The following SPATA16 variants were observed in gnomAD, a reference collection of about 807,000 sequenced individuals.
The protein encoded by SPATA16 is spermatogenesis associated 16.
SPATA16 carries 36 observed loss-of-function variants against 63.3 expected under a neutral mutation model. That is an observed-to-expected ratio of 0.57 (90% CI 0.44 to 0.75). The LOEUF (loss-of-function observed/expected upper bound fraction) is 0.75. Among genes scored for constraint, SPATA16 ranks in the 30% least tolerant of loss-of-function variants. The pLI is 0.00. For synonymous variants in SPATA16, 203 were observed against 216.7 expected, an observed-to-expected ratio of 0.94 and a Z score of 0.56; for missense variants, 646 against 679.3, an observed-to-expected ratio of 0.95 and a Z score of 0.54.
chr3:172,949,548 T>C (rs1733378915), intron 6 of SPATA16, among the ~76,000 whole-genome samples: 1 of 152,228 alleles, frequency 6.6e-6, no homozygotes, highest in Non-Finnish European at 1.5e-5. Flanking sequence ...CTGCATGATT[T>C]ATTAGATGGC....
chr3:172,999,001 T>A (rs985203862), intron 4 of SPATA16, among the ~76,000 whole-genome samples: 4 of 152,176 alleles, frequency 2.6e-5, no homozygotes, highest in African/African-American at 9.6e-5. Flanking sequence ...CAATTTTTTT[T>A]TTCTTGTAAT....
At chr3:172,904,529 A>T (rs957334075) in intron 10 of SPATA16, among the ~76,000 whole-genome samples, 1 of 152,182 alleles carries the variant, frequency 6.6e-6, no homozygotes, top group African/African-American at 2.4e-5. Flanking sequence ...CCAAATCATC[A>T]AAGTTTTAGA....
intron 4 of SPATA16, among the ~76,000 whole-genome samples, chr3:172,998,827 G>A (rs1223407345): frequency 1.3e-5 from 2 of 152,092 alleles, no homozygotes; most frequent in Admixed American, 1.3e-4. Flanking sequence ...TCTTTAGCCT[G>A]TTGATATGAT....
chr3:173,118,596 T>C (rs557578142), intron 1 of SPATA16, among the ~76,000 whole-genome samples: 1 of 152,340 alleles, frequency 6.6e-6, no homozygotes, highest in South Asian at 2.1e-4. Flanking sequence ...TAGGACTCTT[T>C]CTTTTCACCT....
chr3:173,003,002 T>C (rs1002786332), intron 4 of SPATA16, among the ~76,000 whole-genome samples: 7 of 152,218 alleles, frequency 4.6e-5, no homozygotes, highest in Admixed American at 1.3e-4. Flanking sequence ...TTGAAGAAGA[T>C]TTTTTTAAAC....
At chr3:173,117,062 T>TA (rs1737916908) in intron 2 of SPATA16, 58 bp downstream of exon 2, 1 of 1,539,982 alleles carries the variant, frequency 6.5e-7, no homozygotes, top group Non-Finnish European at 9.0e-7. Flanking sequence ...TCAATGTAAT[T>TA]GCAACTTTCC....
intron 2 of SPATA16, among the ~76,000 whole-genome samples, chr3:173,074,468 G>C (rs898518560): frequency 2.6e-5 from 4 of 152,138 alleles, no homozygotes; most frequent in African/African-American, 9.7e-5. Flanking sequence ...AGTCTCATGA[G>C]ATCTGATGGT....
intron 8 of SPATA16, among the ~76,000 whole-genome samples, chr3:172,923,086 T>C (rs1204369569): frequency 1.3e-5 from 2 of 152,302 alleles, no homozygotes; most frequent in East Asian, 1.9e-4. Context: ...TACACGGTGA[T>C]GGTTCTGGTT....
chr3:172,949,593 G>A (rs1322461076), intron 6 of SPATA16, among the ~76,000 whole-genome samples: 1 of 152,078 alleles, frequency 6.6e-6, no homozygotes, highest in African/African-American at 2.4e-5. Context: ...TTGACAGAGA[G>A]GCTACATTAT....
chr3:172,960,998 TTC>T lies in SPATA16; in HGVS notation c.934-4176_934-4175del, dbSNP rs564132409. On this transcript the variant is annotated intron_variant, in intron 5 of 10. Coordinates refer to ENST00000351008, the MANE Select transcript of SPATA16 (RefSeq NM_031955.6). ...TTTTCTCTTTCTCTTTCTTTTTTCT[TTC>T]TCTTTCTTTCTTTCTTTTTCTCTCT... 3.9e-4 allele frequency among the ~76,000 whole-genome samples: 58 copies of T among 148,888 alleles called. No individual in the cohort carries two copies. The South Asian group carries it at 0.011, about 29-fold the overall frequency.
chr3:172,890,769 C>A, intron 10 of SPATA16, among the ~76,000 whole-genome samples: 1 of 148,610 alleles, frequency 6.7e-6, no homozygotes, highest in African/African-American at 2.5e-5. Context: ...TTTAAGAAAA[C>A]AAGATAAATT....
At chr3:172,896,782 T>G (rs1057150282) in intron 10 of SPATA16, among the ~76,000 whole-genome samples, 1 of 152,152 alleles carries the variant, frequency 6.6e-6, no homozygotes, top group African/African-American at 2.4e-5. Flanking sequence ...ATTTTCAAAT[T>G]GGATCGGCTT....
At chr3:172,973,496 G>A (rs993083737) in intron 5 of SPATA16, among the ~76,000 whole-genome samples, 1 of 152,092 alleles carries the variant, frequency 6.6e-6, no homozygotes, top group Non-Finnish European at 1.5e-5. Flanking sequence ...GCTGAGCACC[G>A]CAGACCAGGG....
At chr3:173,122,741 T>C (rs1577186608) in intron 1 of SPATA16, among the ~76,000 whole-genome samples, 2 of 152,132 alleles carry the variant, frequency 1.3e-5, no homozygotes, top group South Asian at 4.2e-4. Flanking sequence ...GTCTTGGCAT[T>C]GTAGTGCTCA....
chr3:173,087,998 TTTTCTTTCCGTC>T lies in SPATA16; in HGVS notation c.612+29110_612+29121del, dbSNP rs1448385405. ...ACCTTGGAGAATCTGATGATTAGCA[TTTTCTTTCCGTC>T]TTTCTTTCTTTCTTTCTTTCTTTCT... On this transcript the variant is annotated intron_variant, in intron 2 of 10. Transcript: ENST00000351008. Among the ~76,000 whole-genome samples, 455 of 146,362 alleles carry T rather than the reference TTTTCTTTCCGTC, an allele frequency of 3.1e-3. 19 individuals are homozygous for T. The highest frequency in any genetic ancestry group is 0.011 in the African/African-American group (433 of 38,378).
chr3:172,897,790 A>G (rs1051734630), intron 10 of SPATA16, among the ~76,000 whole-genome samples: 16 of 152,118 alleles, frequency 1.1e-4, no homozygotes, highest in African/African-American at 3.4e-4. Flanking sequence ...TTCCAGCACT[A>G]TGTTGAATAA....
chr3:173,112,508 C>T (rs934736383), intron 2 of SPATA16, among the ~76,000 whole-genome samples: 5 of 152,132 alleles, frequency 3.3e-5, no homozygotes, highest in Non-Finnish European at 5.9e-5. Flanking sequence ...AGCTTTTGAC[C>T]CTTGAGCAAG....
rs544088248 is a variant in SPATA16 at position 172,956,763 on chromosome 3, G to T, written c.995C>A (p.Ala332Glu). 1 of 1,612,634 alleles carries T rather than the reference G, an allele frequency of 6.2e-7. No homozygotes were observed. The highest frequency in any genetic ancestry group is 1.3e-5 in the African/African-American group (1 of 74,690). Residue 332 changes from alanine (A) to glutamate (E), a missense_variant, in exon 6 of 11, where the codon GCG (alanine) becomes GAG (glutamate). Physicochemically the swap from Ala to Glu is moderately radical, Grantham distance 107. Coordinates refer to ENST00000351008, the MANE Select transcript of SPATA16 (RefSeq NM_031955.6). ...ESFSVMYTPF[A>E]TKIRADKIEK... is the part of the protein sequence containing the mutation. ...TATTTTATCAGCTCTTATTTTTGTC[G>T]CAAATGGTGTGTACATAACCGAGAA...
chr3:173,103,156 G>A (rs1434143045), intron 2 of SPATA16, among the ~76,000 whole-genome samples: 1 of 152,198 alleles, frequency 6.6e-6, no homozygotes, highest in African/African-American at 2.4e-5. Flanking sequence ...GCAGGGTTAG[G>A]CCCCTGTGGC....
Sources: allele counts gnomAD v4.1 joint callset (sites outside exome capture counted in the v4.1 genomes callset), GRCh38; gene constraint gnomAD v4.1.1; transcripts MANE v1.5; gene names NCBI Gene and HGNC (gene_info 2026-07-23, HGNC 2026-07-21).